The following HNF4G variants were observed in gnomAD, a reference collection of about 807,000 sequenced individuals.
The protein encoded by HNF4G is hepatocyte nuclear factor 4 gamma.
Under a neutral mutation model 50.9 loss-of-function variants are expected in HNF4G, and 21 were observed. The observed-to-expected ratio is 0.41, with a 90% confidence interval of 0.29 to 0.59. The LOEUF (loss-of-function observed/expected upper bound fraction) is 0.59. Among genes scored for constraint, HNF4G ranks in the 20% least tolerant of loss-of-function variants. The probability of loss-of-function intolerance (pLI) is 0.26; values close to 1 mark genes in which losing one functional copy is unlikely to be tolerated. For synonymous variants in HNF4G, 198 were observed against 185.6 expected (o/e 1.07, Z -0.54); for missense variants, 527 against 559.4 (o/e 0.94, Z 0.58).
intron 1 of HNF4G, among the ~76,000 whole-genome samples, chr8:75,422,849 T>C (rs1810805169): frequency 6.6e-6 from 1 of 152,204 alleles, no homozygotes; most frequent in Non-Finnish European, 1.5e-5. Flanking sequence ...TTAGCCAGTA[T>C]GTATTATCTA....
chr8:75,450,297 T>A (rs1051857487), intron 1 of HNF4G, among the ~76,000 whole-genome samples: 12 of 152,232 alleles, frequency 7.9e-5, no homozygotes, highest in Non-Finnish European at 1.6e-4. Flanking sequence ...CTATTGTGAA[T>A]AGTGCTGCAA....
At chr8:75,429,767 T>C (rs974797505) in intron 1 of HNF4G, among the ~76,000 whole-genome samples, 1 of 152,194 alleles carries the variant, frequency 6.6e-6, no homozygotes, top group Non-Finnish European at 1.5e-5. Flanking sequence ...TAGCATTTCA[T>C]TGCAGTGTTC....
intron 1 of HNF4G, among the ~76,000 whole-genome samples, chr8:75,427,679 A>C (rs1003315233): frequency 6.6e-6 from 1 of 152,098 alleles, no homozygotes; most frequent in Admixed American, 6.6e-5. Context: ...TGAATGAATG[A>C]ATATATATTA....
intron 2 of HNF4G, among the ~76,000 whole-genome samples, chr8:75,531,295 T>C (rs1239495157): frequency 6.6e-6 from 1 of 152,090 alleles, no homozygotes; most frequent in Non-Finnish European, 1.5e-5. Context: ...TCAAGTTCCA[T>C]GAAGGATTAT....
At chr8:75,416,464 G>T (rs975973923) in intron 1 of HNF4G, among the ~76,000 whole-genome samples, 2 of 151,756 alleles carry the variant, frequency 1.3e-5, no homozygotes, top group African/African-American at 2.4e-5. Flanking sequence ...ACTCCTATAG[G>T]TTCTTTTTAT....
intron 2 of HNF4G, among the ~76,000 whole-genome samples, chr8:75,513,920 G>GT (rs1487605147): frequency 6.6e-6 from 1 of 151,632 alleles, no homozygotes; most frequent in African/African-American, 2.4e-5. Context: ...TCTATAGTCA[G>GT]TTTTTTAAAT....
intron 1 of HNF4G, among the ~76,000 whole-genome samples, chr8:75,432,310 TTTTA>T (rs1049990301): frequency 6.6e-6 from 1 of 151,614 alleles, no homozygotes. Context: ...AAAGAATTTG[TTTTA>T]TTTATTTATT....
chr8:75,454,849 T>C (rs933733751), intron 1 of HNF4G, among the ~76,000 whole-genome samples: 2 of 152,176 alleles, frequency 1.3e-5, no homozygotes, highest in Non-Finnish European at 2.9e-5. Flanking sequence ...ATATCCCCAG[T>C]GCTGAGAAGA....
chr8:75,428,236 C>T (rs182822120), intron 1 of HNF4G, among the ~76,000 whole-genome samples: 7 of 152,192 alleles, frequency 4.6e-5, no homozygotes, highest in African/African-American at 4.8e-5. Flanking sequence ...GAGGCACAAC[C>T]GGGGCTTTCC....
intron 1 of HNF4G, among the ~76,000 whole-genome samples, chr8:75,462,439 A>T (rs953110376): frequency 2.0e-5 from 3 of 152,126 alleles, no homozygotes; most frequent in Non-Finnish European, 4.4e-5. Context: ...AGGACAAAGG[A>T]ATGATTCACA....
intron 5 of HNF4G, 135 bp downstream of exon 5, chr8:75,553,332 G>A: frequency 2.8e-6 from 2 of 711,888 alleles, no homozygotes; most frequent in South Asian, 2.2e-5. Flanking sequence ...AGGAAGGATT[G>A]GGTTTCCTTA....
At chr8:75,415,842 T>C (rs1487323510) in intron 1 of HNF4G, among the ~76,000 whole-genome samples, 4 of 152,100 alleles carry the variant, frequency 2.6e-5, no homozygotes, top group Non-Finnish European at 4.4e-5. Flanking sequence ...ACAGCTGGAT[T>C]GGTCTACAAA....
intron 1 of HNF4G, among the ~76,000 whole-genome samples, chr8:75,473,351 A>G (rs1477883199): frequency 2.0e-5 from 3 of 152,220 alleles, no homozygotes; most frequent in Non-Finnish European, 4.4e-5. Context: ...TATATGTGAT[A>G]CATACATAAA....
chr8:75,551,850 T>C (rs1806969873), intron 4 of HNF4G, among the ~76,000 whole-genome samples: 1 of 152,068 alleles, frequency 6.6e-6, no homozygotes, highest in African/African-American at 2.4e-5. Flanking sequence ...TTTTGGGGAG[T>C]TTGGTTGATA....
upstream of HNF4G, among the ~76,000 whole-genome samples, chr8:75,537,007 T>A (rs892997715): frequency 6.6e-6 from 1 of 152,158 alleles, no homozygotes; most frequent in Non-Finnish European, 1.5e-5. Context: ...AGAGAGCCTG[T>A]AATCTCCATG....
chr8:75,544,409 G>T (rs1014133623), intron 2 of HNF4G, among the ~76,000 whole-genome samples: 3 of 152,070 alleles, frequency 2.0e-5, no homozygotes, highest in Non-Finnish European at 2.9e-5. Context: ...TTTAATAAGA[G>T]TATTTTTCTT....
intron 1 of HNF4G, among the ~76,000 whole-genome samples, chr8:75,422,385 C>T (rs1247740190): frequency 6.6e-6 from 1 of 152,152 alleles, no homozygotes; most frequent in Non-Finnish European, 1.5e-5. Flanking sequence ...CAGGGCAGTG[C>T]TTGTTCAGCT....
chr8:75,495,090 T>A (rs1393762080), intron 2 of HNF4G, among the ~76,000 whole-genome samples: 1 of 152,126 alleles, frequency 6.6e-6, no homozygotes, highest in Non-Finnish European at 1.5e-5. Flanking sequence ...TGGCAGAGAT[T>A]TTGGAACACA....
At chr8:75,466,688 CCCTTT>C (rs1811996702) in intron 1 of HNF4G, among the ~76,000 whole-genome samples, 1 of 107,536 alleles carries the variant, frequency 9.3e-6, no homozygotes. Context: ...CCCTTCCCTT[CCCTTT>C]CTCTTCTTCT....
Sources: allele counts gnomAD v4.1 joint callset (sites outside exome capture counted in the v4.1 genomes callset), GRCh38; gene constraint gnomAD v4.1.1; transcripts MANE v1.5; gene names NCBI Gene and HGNC (gene_info 2026-07-23, HGNC 2026-07-21).